Variants in MTFR1 observed in about 807,000 individuals in gnomAD.
The protein encoded by MTFR1 is chondrocyte protein with a poly-proline region.
MTFR1 carries 28 observed loss-of-function variants against 38.8 expected under a neutral mutation model. The ratio of observed to expected loss-of-function variants is 0.72; its 90% CI spans 0.53 to 0.99. MTFR1 has a LOEUF of 0.99. Among genes scored for constraint, MTFR1 ranks in the 50% least tolerant of loss-of-function variants. The pLI is 0.00. For synonymous variants in MTFR1, 145 were observed against 137.0 expected (o/e 1.06, Z -0.41); for missense variants, 358 against 395.5 (o/e 0.91, Z 0.81).
chr8:65,764,897 A>C (rs1563495988), intron 3 of MTFR1, among the ~76,000 whole-genome samples: 1 of 152,210 alleles, frequency 6.6e-6, no homozygotes, highest in Admixed American at 6.5e-5. Flanking sequence ...ATTCAACAGA[A>C]AGGCAGCAAC....
At chr8:65,696,821 TG>T (rs1805456532) in intron 4 of MTFR1, among the ~76,000 whole-genome samples, 1 of 151,282 alleles carries the variant, frequency 6.6e-6, no homozygotes. Context: ...CCACCATACC[TG>T]CCTAATTTTT....
At chr8:65,662,162 G>C (rs1306559919) in intron 1 of MTFR1, among the ~76,000 whole-genome samples, 1 of 151,518 alleles carries the variant, frequency 6.6e-6, no homozygotes, top group Non-Finnish European at 1.5e-5. Context: ...AAGCTGGACT[G>C]TACTGCTGCC....
rs1172664815 is a variant in MTFR1, at chr8:65,654,133, A to G, written c.-81+9349A>G. 5.3e-5 allele frequency among the ~76,000 whole-genome samples: 8 copies of G among 152,174 alleles called. No individual in the cohort carries two copies. In the East Asian group the frequency reaches 1.5e-3, roughly 29 times the overall value. On this transcript the variant is annotated intron_variant, in intron 1 of 7. Transcript: ENST00000262146. ...ATCCTATTGGGGGGAAAGAAAACAT[A>G]CAAACAATACAGGAGTGCATAAGTG...
intron 1 of MTFR1, among the ~76,000 whole-genome samples, chr8:65,663,974 C>T (rs1804297132): frequency 6.6e-6 from 1 of 151,960 alleles, no homozygotes; most frequent in Non-Finnish European, 1.5e-5. Context: ...CACCACCACA[C>T]CTGGTTAATT....
chr8:65,778,547 T>C, the MTFR1 span, among the ~76,000 whole-genome samples: 1 of 152,208 alleles, frequency 6.6e-6, no homozygotes, highest in East Asian at 1.9e-4. Context: ...CCTGACTGAA[T>C]TCCTGATTCT....
intron 2 of MTFR1, among the ~76,000 whole-genome samples, chr8:65,680,899 CTTTTTTTTTTTTT>C (rs1199113408): frequency 3.2e-5 from 3 of 93,630 alleles, no homozygotes; most frequent in East Asian, 3.6e-4. Context: ...AAGCAGTTCT[CTTTTTTTTTTTTT>C]TTTTTTTTTT....
rs1287048984 is a variant in MTFR1, at chr8:65,718,992, A to G, written c.382-388A>G. 7.5e-6 allele frequency: 3 copies of G among 401,362 alleles called. No individual in the cohort carries two copies. In the East Asian group the frequency reaches 1.4e-4, roughly 19 times the overall value. The allele number at this position is 401,362 out of a possible 1,614,324, so 24.9% of individuals were successfully genotyped here. A position where few individuals can be genotyped will look rare whatever the true frequency, so the allele number is the denominator to read the frequency against. On this transcript the variant is annotated intron_variant, in intron 2 of 3. Coordinates refer to the MTFR1 transcript ENST00000521247. ...ACGTTTTGAAGATTAGATGCTTTGA[A>G]AAAGTCGTGGCACATATCAAAACTT...
intron 3 of MTFR1, among the ~76,000 whole-genome samples, chr8:65,742,347 C>G (rs1807478836): frequency 6.6e-6 from 1 of 152,156 alleles, no homozygotes; most frequent in Non-Finnish European, 1.5e-5. Context: ...TTAGGAGTGA[C>G]AAGCTTTTGC....
chr8:65,670,715 T>C (rs1196177231), intron 2 of MTFR1, among the ~76,000 whole-genome samples: 1 of 151,920 alleles, frequency 6.6e-6, no homozygotes, highest in Admixed American at 6.6e-5. Flanking sequence ...TACTTTTTTT[T>C]TTTTTTGAAC....
chr8:65,659,569 C>T (rs1210089007), intron 1 of MTFR1, among the ~76,000 whole-genome samples: 2 of 151,866 alleles, frequency 1.3e-5, no homozygotes, highest in African/African-American at 4.8e-5. Flanking sequence ...AGAAGGGGGA[C>T]GTGAGGTACA....
At chr8:65,719,759 G>A in intron 3 of MTFR1, 1 of 447,890 alleles carries the variant, frequency 2.2e-6, no homozygotes, top group South Asian at 2.8e-5. Flanking sequence ...ATCCTTCTCA[G>A]TGGCACAACT....
At chr8:65,668,241 G>A (rs2129050757) in intron 1 of MTFR1, among the ~76,000 whole-genome samples, 1 of 145,390 alleles carries the variant, frequency 6.9e-6, no homozygotes, top group South Asian at 2.2e-4. Flanking sequence ...GTAGTGGCGT[G>A]ATCTCAGCTC....
At chr8:65,655,970 C>CATATATATATATGTATAT in intron 1 of MTFR1, among the ~76,000 whole-genome samples, 1 of 53,636 alleles carries the variant, frequency 1.9e-5, no homozygotes, top group Non-Finnish European at 3.1e-5. Flanking sequence ...ATATATATAC[C>CATATATATATATGTATAT]ATATATATAT....
At chr8:65,773,423 G>C (rs1008755327), downstream of MTFR1, among the ~76,000 whole-genome samples, 1 of 152,148 alleles carries the variant, frequency 6.6e-6, no homozygotes, top group Non-Finnish European at 1.5e-5. Flanking sequence ...AGCATGATGA[G>C]ATCGAGAGGA....
At chr8:65,665,620 T>C (rs1388096102) in intron 1 of MTFR1, among the ~76,000 whole-genome samples, 1 of 152,180 alleles carries the variant, frequency 6.6e-6, no homozygotes, top group African/African-American at 2.4e-5. Context: ...GTAATTTGAT[T>C]TTTCTCTTCT....
intron 3 of MTFR1, among the ~76,000 whole-genome samples, chr8:65,766,819 T>C (rs1013197803): frequency 5.9e-5 from 9 of 152,244 alleles, no homozygotes; most frequent in Admixed American, 4.6e-4. Flanking sequence ...GTTAATTAAA[T>C]GCAGGAGGAC....
At chr8:65,760,582 C>G (rs1808439941) in intron 3 of MTFR1, among the ~76,000 whole-genome samples, 1 of 152,066 alleles carries the variant, frequency 6.6e-6, no homozygotes, top group Non-Finnish European at 1.5e-5. Context: ...GAATTGCTTC[C>G]AAAATATGAT....
chr8:65,736,076 T>C (rs1807116369), intron 3 of MTFR1, among the ~76,000 whole-genome samples: 1 of 152,146 alleles, frequency 6.6e-6, no homozygotes, highest in Admixed American at 6.6e-5. Context: ...CCTACGATAA[T>C]GCGCAATTTA....
intron 3 of MTFR1, among the ~76,000 whole-genome samples, chr8:65,750,494 G>C (rs1444139057): frequency 3.5e-5 from 5 of 144,876 alleles, no homozygotes; most frequent in African/African-American, 1.4e-4. Context: ...GTGTGTGTGT[G>C]TGTGTGTGTC....
Sources: allele counts gnomAD v4.1 joint callset (sites outside exome capture counted in the v4.1 genomes callset), GRCh38; gene constraint gnomAD v4.1.1; transcripts MANE v1.5; gene names NCBI Gene and HGNC (gene_info 2026-07-23, HGNC 2026-07-21).